The following CPQ variants were observed in gnomAD, a reference collection of about 807,000 sequenced individuals.
The protein encoded by CPQ is carboxypeptidase Q.
In CPQ, 37 loss-of-function variants were observed where a neutral mutation model predicts 45.7. That is an observed-to-expected ratio of 0.81 (90% CI 0.62 to 1.07). CPQ has a LOEUF of 1.07. CPQ is among the 50% of genes least tolerant of loss of function. The pLI, the probability that CPQ is intolerant of heterozygous loss-of-function variation, is 0.00. For synonymous variants in CPQ, 186 were observed against 205.8 expected (o/e 0.90, Z 0.82); for missense variants, 537 against 572.9 (o/e 0.94, Z 0.64).
Position 97,116,047 on chromosome 8 carries a change from G to A in CPQ, c.1256-26973G>A, listed in dbSNP as rs192225586. ...GGCTATAAATTGAAAAGGGAGAAGG[G>A]GTCAAGGAAAATGCAGACAGGAAGA... On this transcript the variant is annotated intron_variant, in intron 7 of 7. Transcript: ENST00000220763. Among the ~76,000 whole-genome samples, 248 of 152,044 alleles carry A rather than the reference G, an allele frequency of 1.6e-3. 3 individuals are homozygous for A. The highest frequency in any genetic ancestry group is 0.013 in the Admixed American group (192 of 15,266).
At chr8:96,964,139 T>C (rs1586469872) in intron 4 of CPQ, among the ~76,000 whole-genome samples, 1 of 150,530 alleles carries the variant, frequency 6.6e-6, no homozygotes, top group Non-Finnish European at 1.5e-5. Context: ...TACTCTGTTA[T>C]GAACATTCCA....
At chr8:96,822,729 T>A (rs1811326508) in intron 2 of CPQ, among the ~76,000 whole-genome samples, 1 of 152,006 alleles carries the variant, frequency 6.6e-6, no homozygotes, top group South Asian at 2.1e-4. Flanking sequence ...GTGAAGGTTT[T>A]CCTGCCTAGA....
chr8:97,018,310 A>G (rs1269564128), intron 5 of CPQ, among the ~76,000 whole-genome samples: 1 of 152,216 alleles, frequency 6.6e-6, no homozygotes, highest in African/African-American at 2.4e-5. Flanking sequence ...AACTCTGGTA[A>G]TATAACAAAA....
intron 6 of CPQ, among the ~76,000 whole-genome samples, chr8:97,038,856 A>C (rs1308306716): frequency 6.7e-6 from 1 of 149,590 alleles, no homozygotes; most frequent in Non-Finnish European, 1.5e-5. Context: ...AAAAGAATAA[A>C]GGCAGGTCAG....
chr8:97,140,505 A>C lies in CPQ; in HGVS notation c.1256-2515A>C, dbSNP rs578135201. 2.0e-5 allele frequency among the ~76,000 whole-genome samples: 3 copies of C among 152,160 alleles called. No individual in the cohort carries two copies. The South Asian group carries it at 6.2e-4, about 32-fold the overall frequency. ...AAATATATAAGCCATCAAAGAAAGAAAATGAACAAAAGGGATGTAAAACTG... is the reference window on the plus strand; with the variant it reads ...AAATATATAAGCCATCAAAGAAAGACAATGAACAAAAGGGATGTAAAACTG... On this transcript the variant is annotated intron_variant, in intron 7 of 7. Coordinates refer to ENST00000220763, the MANE Select transcript of CPQ (RefSeq NM_016134.4).
At chr8:96,725,559 G>A (rs556555900) in intron 1 of CPQ, among the ~76,000 whole-genome samples, 44 of 152,092 alleles carry the variant, frequency 2.9e-4, no homozygotes, top group Non-Finnish European at 5.6e-4. Context: ...AGTCAGAATT[G>A]CCATTATTAA....
intron 3 of CPQ, 118 bp downstream of exon 3, chr8:96,835,298 C>A: frequency 1.3e-6 from 1 of 741,120 alleles, no homozygotes. Context: ...CATGGAGTTT[C>A]CCCCCCAAAC....
intron 6 of CPQ, among the ~76,000 whole-genome samples, chr8:97,049,854 C>G (rs559078719): frequency 3.5e-4 from 54 of 152,286 alleles, no homozygotes; most frequent in Non-Finnish European, 7.1e-4. Context: ...ATTAAGGTGC[C>G]AGGCCACTTT....
chr8:96,700,642 G>A (rs1484012301), intron 1 of CPQ, among the ~76,000 whole-genome samples: 1 of 152,186 alleles, frequency 6.6e-6, no homozygotes, highest in Non-Finnish European at 1.5e-5. Context: ...AAGGGAACTC[G>A]AAACAGCTGC....
At chr8:96,837,244 A>G (rs1037445133) in intron 3 of CPQ, among the ~76,000 whole-genome samples, 2 of 152,208 alleles carry the variant, frequency 1.3e-5, no homozygotes, top group Admixed American at 6.5e-5. Flanking sequence ...TTAGAACCAA[A>G]TTTCTTTGAT....
chr8:96,692,393 G>C (rs1208356306), intron 1 of CPQ, among the ~76,000 whole-genome samples: 2 of 152,240 alleles, frequency 1.3e-5, no homozygotes, highest in Non-Finnish European at 2.9e-5. Context: ...CCAGTGCTAT[G>C]CTGGCTTCAG....
intron 6 of CPQ, among the ~76,000 whole-genome samples, chr8:97,048,320 C>G (rs992049914): frequency 4.1e-4 from 62 of 152,100 alleles, no homozygotes; most frequent in Non-Finnish European, 1.2e-4. Context: ...AGTTAAAGTC[C>G]CTTAATCCCA....
chr8:97,084,838 C>G (rs2513408), intron 7 of CPQ, among the ~76,000 whole-genome samples: 78,647 of 139,298 alleles, frequency 0.56, 21,677 homozygotes, highest in Non-Finnish European at 0.64. Context: ...GTGTGTGTGT[C>G]TCTCTGTGTG....
chr8:96,879,540 T>C (rs1812191831), intron 3 of CPQ, among the ~76,000 whole-genome samples: 1 of 152,218 alleles, frequency 6.6e-6, no homozygotes, highest in South Asian at 2.1e-4. Context: ...TTGTGTCAAT[T>C]TGCAACTTTG....
chr8:97,142,579 G>T (rs1267714138), intron 7 of CPQ, among the ~76,000 whole-genome samples: 1 of 152,216 alleles, frequency 6.6e-6, no homozygotes, highest in African/African-American at 2.4e-5. Flanking sequence ...ATTTGTCTCA[G>T]TTACTTATAC....
chr8:96,712,472 G>A (rs1809619234), intron 1 of CPQ, among the ~76,000 whole-genome samples: 1 of 152,304 alleles, frequency 6.6e-6, no homozygotes, highest in Non-Finnish European at 1.5e-5. Flanking sequence ...TGGATATCCA[G>A]GTGTTTCCAT....
chr8:97,059,089 G>A (rs1810502952), intron 6 of CPQ, among the ~76,000 whole-genome samples: 1 of 151,930 alleles, frequency 6.6e-6, no homozygotes, highest in African/African-American at 2.4e-5. Flanking sequence ...AGTTATCCAC[G>A]GACCTTAACA....
intron 3 of CPQ, among the ~76,000 whole-genome samples, chr8:96,852,117 G>A (rs1200299966): frequency 6.6e-6 from 1 of 152,178 alleles, no homozygotes; most frequent in African/African-American, 2.4e-5. Flanking sequence ...AAGACTTTGG[G>A]AGGAAAAAGC....
At chr8:97,076,968 G>A (rs888659604) in intron 7 of CPQ, among the ~76,000 whole-genome samples, 2 of 152,070 alleles carry the variant, frequency 1.3e-5, no homozygotes, top group Non-Finnish European at 2.9e-5. Flanking sequence ...CACATATTTT[G>A]TAAATGTATT....
Sources: gnomAD v4.1 joint callset for allele counts (sites outside exome capture counted in the v4.1 genomes callset) on GRCh38, gnomAD v4.1.1 for gene constraint, MANE v1.5 for transcripts, NCBI Gene and HGNC (gene_info 2026-07-23, HGNC 2026-07-21) for gene names.